Variants in RELN observed in about 807,000 individuals in gnomAD.
RELN encodes reelin.
Under a neutral mutation model 427.6 loss-of-function variants are expected in RELN, and 108 were observed. That is an observed-to-expected ratio of 0.25 (90% CI 0.22 to 0.30). The LOEUF (loss-of-function observed/expected upper bound fraction) is 0.30, where lower values mean the gene tolerates loss of function less well. Among genes scored for constraint, RELN ranks in the 10% least tolerant of loss-of-function variants. The probability of loss-of-function intolerance (pLI) is 1.00; values close to 1 mark genes in which losing one functional copy is unlikely to be tolerated. For synonymous variants in RELN, 1,524 were observed against 1,513.4 expected (o/e 1.01, Z -0.16); for missense variants, 3,715 against 4,302.8 (o/e 0.86, Z 3.82).
intron 2 of RELN, among the ~76,000 whole-genome samples, chr7:103,856,021 A>G (rs775141284): frequency 6.6e-6 from 1 of 152,196 alleles, no homozygotes; most frequent in Non-Finnish European, 1.5e-5. Flanking sequence ...GAAGAACCCA[A>G]GGAACTGCAG....
rs539708897 is a variant in RELN at position 103,677,536 on chromosome 7, C to T, written c.1289+4580G>A. Among the ~76,000 whole-genome samples the T allele has an allele frequency of 1.3e-4, 20 of 148,256 alleles. No individual in the cohort carries two copies. In the South Asian group the frequency reaches 3.6e-3, roughly 27 times the overall value. On this transcript the variant is annotated intron_variant, in intron 11 of 64. Coordinates refer to ENST00000428762, the MANE Select transcript of RELN (RefSeq NM_005045.4). ...ATCCCAGCACTTCAGGAGGCCAAGG[C>T]GGGCAGATCACTTGAGGTCAGGAGT...
chr7:103,843,583 C>G (rs1793607084), intron 2 of RELN, among the ~76,000 whole-genome samples: 1 of 152,138 alleles, frequency 6.6e-6, no homozygotes, highest in Admixed American at 6.6e-5. Flanking sequence ...GAAGAGAGCC[C>G]TTCCTATAAG....
At chr7:103,708,430 T>C (rs1789691107) in intron 8 of RELN, among the ~76,000 whole-genome samples, 1 of 150,024 alleles carries the variant, frequency 6.7e-6, no homozygotes, top group African/African-American at 2.5e-5. Context: ...ACATAAGGGC[T>C]GTTGTGGTCA....
chr7:103,736,465 T>C (rs1790494614), intron 6 of RELN, among the ~76,000 whole-genome samples: 1 of 152,216 alleles, frequency 6.6e-6, no homozygotes, highest in Non-Finnish European at 1.5e-5. Flanking sequence ...AGCTAACACA[T>C]ACTGTAAATG....
At chr7:103,972,299 C>T (rs996066661) in intron 1 of RELN, among the ~76,000 whole-genome samples, 3 of 152,124 alleles carry the variant, frequency 2.0e-5, no homozygotes, top group African/African-American at 7.2e-5. Context: ...ATTCCATTCA[C>T]GTCTGCATGC....
chr7:103,551,507 A>G (rs1830409924), intron 40 of RELN, among the ~76,000 whole-genome samples: 2 of 152,164 alleles, frequency 1.3e-5, no homozygotes, highest in South Asian at 2.1e-4. Flanking sequence ...GGGCCTCATG[A>G]AAAATTTATT....
chr7:103,927,459 T>C (rs1352998356), intron 1 of RELN, among the ~76,000 whole-genome samples: 3 of 152,184 alleles, frequency 2.0e-5, no homozygotes, highest in Non-Finnish European at 4.4e-5. Flanking sequence ...GTTGCTCTAA[T>C]ATGCTACAAC....
intron 53 of RELN, among the ~76,000 whole-genome samples, chr7:103,500,528 C>T (rs1265871432): frequency 6.6e-6 from 1 of 151,908 alleles, no homozygotes; most frequent in Non-Finnish European, 1.5e-5. Flanking sequence ...TCCATATAGT[C>T]TGGCTCATTT....
chr7:103,814,973 G>C (rs974023271), intron 3 of RELN, among the ~76,000 whole-genome samples: 1 of 152,230 alleles, frequency 6.6e-6, no homozygotes, highest in Non-Finnish European at 1.5e-5. Flanking sequence ...CAGTTGCAAA[G>C]TCAATTAGGG....
chr7:103,883,648 C>G (rs755677427), intron 2 of RELN, among the ~76,000 whole-genome samples: 41 of 152,152 alleles, frequency 2.7e-4, no homozygotes, highest in Non-Finnish European at 5.0e-4. Flanking sequence ...AAAAGACAAA[C>G]AGAGAGTCAA....
At chr7:103,939,577 C>A (rs1796065608) in intron 1 of RELN, among the ~76,000 whole-genome samples, 1 of 152,150 alleles carries the variant, frequency 6.6e-6, no homozygotes, top group African/African-American at 2.4e-5. Context: ...TGTACTTTGC[C>A]AATATGCATC....
chr7:103,864,273 A>T (rs1244126242), intron 2 of RELN, among the ~76,000 whole-genome samples: 2 of 152,152 alleles, frequency 1.3e-5, no homozygotes, highest in Non-Finnish European at 2.9e-5. Flanking sequence ...AAAAGTTAAT[A>T]ACTGTTTTTT....
intron 3 of RELN, among the ~76,000 whole-genome samples, chr7:103,829,373 T>C (rs1048283507): frequency 2.0e-5 from 3 of 151,590 alleles, no homozygotes; most frequent in Non-Finnish European, 4.4e-5. Context: ...CTTGGGACTT[T>C]GGGGTAGGGG....
intron 2 of RELN, among the ~76,000 whole-genome samples, chr7:103,875,685 A>G (rs1299744434): frequency 6.6e-6 from 1 of 152,146 alleles, no homozygotes; most frequent in African/African-American, 2.4e-5. Context: ...GAAAATATAC[A>G]TAAGACTTAG....
intron 20 of RELN, among the ~76,000 whole-genome samples, chr7:103,619,256 T>G (rs1477041329): frequency 6.6e-6 from 1 of 152,128 alleles, no homozygotes; most frequent in East Asian, 1.9e-4. Context: ...CACTGTGAGG[T>G]TCAGGTTGTC....
intron 4 of RELN, among the ~76,000 whole-genome samples, chr7:103,759,796 A>G (rs559094168): frequency 6.6e-6 from 1 of 152,142 alleles, no homozygotes. Flanking sequence ...CTCCAAAATT[A>G]CCTCCAATTA....
intron 20 of RELN, among the ~76,000 whole-genome samples, chr7:103,617,020 C>T (rs1832095649): frequency 6.6e-6 from 1 of 152,172 alleles, no homozygotes; most frequent in Non-Finnish European, 1.5e-5. Flanking sequence ...TTACCAAGAA[C>T]ATCAACAATG....
intron 7 of RELN, among the ~76,000 whole-genome samples, chr7:103,725,819 T>C (rs1790197081): frequency 6.6e-6 from 1 of 152,062 alleles, no homozygotes; most frequent in South Asian, 2.1e-4. Flanking sequence ...AAACAAAAAC[T>C]TGTGCTATGT....
At chr7:103,839,322 T>A (rs1044900678) in intron 2 of RELN, among the ~76,000 whole-genome samples, 10 of 150,292 alleles carry the variant, frequency 6.7e-5, no homozygotes, top group East Asian at 3.9e-4. Flanking sequence ...TTTTTTTTTT[T>A]AACATAGAAC....
Sources: allele counts gnomAD v4.1 joint callset (sites outside exome capture counted in the v4.1 genomes callset), GRCh38; gene constraint gnomAD v4.1.1; transcripts MANE v1.5; gene names NCBI Gene and HGNC (gene_info 2026-07-23, HGNC 2026-07-21).